Variants in PNPLA8 observed in about 807,000 individuals in gnomAD.
The protein encoded by PNPLA8 is patatin like domain 8, phospholipase A2.
A neutral mutation model predicts 76.9 loss-of-function variants in PNPLA8; 39 were observed. The observed-to-expected ratio is 0.51, with a 90% CI of 0.39 to 0.66. PNPLA8 has a LOEUF of 0.66. PNPLA8 is among the 30% of genes least tolerant of loss of function. The pLI is 0.00. For synonymous variants in PNPLA8, 301 were observed against 307.9 expected (o/e 0.98, Z 0.24); for missense variants, 887 against 918.0 (o/e 0.97, Z 0.44).
intron 4 of PNPLA8, among the ~76,000 whole-genome samples, chr7:108,505,142 A>C (rs1191249365): frequency 6.6e-6 from 1 of 150,936 alleles, no homozygotes; most frequent in East Asian, 1.9e-4. Flanking sequence ...ATTTATGATA[A>C]AGGTCTTTTC....
chr7:108,492,184 T>A (rs760319875), intron 7 of PNPLA8, among the ~76,000 whole-genome samples: 11 of 152,226 alleles, frequency 7.2e-5, no homozygotes, highest in Non-Finnish European at 1.6e-4. Context: ...CATTTTCTAA[T>A]GTGTTTTTCA....
At chr7:108,480,859 C>A in intron 9 of PNPLA8, 1 of 244,222 alleles carries the variant, frequency 4.1e-6, no homozygotes, top group Non-Finnish European at 8.7e-6. Flanking sequence ...CCATCACCCC[C>A]AAAAACTCTC....
At position 108,503,966 on chromosome 7, in the gene PNPLA8, C is replaced by T. The variant is rs186336300; in HGVS notation, c.1207-1324G>A. On this transcript the variant is annotated intron_variant, in intron 4 of 10. Coordinates refer to ENST00000257694, the MANE Select transcript of PNPLA8 (RefSeq NM_001256007.3). ...GAGGTGTGGAAGGCAAAAGGTAAGC[C>T]GAAGACCTCTGAAAATCAGAGTGGA... Among the ~76,000 whole-genome samples, 32 of 152,174 alleles carry T rather than the reference C, an allele frequency of 2.1e-4. 1 individual carries two copies. Among genetic ancestry groups the T allele is most frequent in the Admixed American group, 1.6e-3 (24 of 15,276 alleles).
intron 5 of PNPLA8, among the ~76,000 whole-genome samples, chr7:108,499,871 G>C (rs944103048): frequency 2.0e-5 from 3 of 151,968 alleles, no homozygotes; most frequent in African/African-American, 7.3e-5. Flanking sequence ...CATCATGCTT[G>C]TCTGACCTTA....
At position 108,479,263 on chromosome 7, in the gene PNPLA8, A is replaced by C. The variant is rs777161463; in HGVS notation, c.1995T>G (p.Ser665Arg). The C allele has an allele frequency of 1.1e-5, 18 of 1,613,262 alleles. No individual in the cohort carries two copies. The South Asian group carries it at 1.6e-4, about 15-fold the overall frequency. ...IVSLGTGRYESDVRNTVTYTS... is the reference protein window; with the variant it reads ...IVSLGTGRYERDVRNTVTYTS... ...TGTATGTTACCGTGTTTCTCACATC[A>C]CTCTCATAACGTCCAGTGCCCAGGG... Residue 665 changes from serine (S) to arginine (R), a missense_variant, in exon 10 of 11, where the codon AGT (serine) becomes AGG (arginine). By Grantham distance (110) the Ser-to-Arg change is moderately radical (BLOSUM62 -1). Coordinates refer to ENST00000257694, the MANE Select transcript of PNPLA8 (RefSeq NM_001256007.3).
intron 9 of PNPLA8, among the ~76,000 whole-genome samples, chr7:108,480,255 C>G (rs1195529991): frequency 6.6e-6 from 1 of 152,088 alleles, no homozygotes; most frequent in Non-Finnish European, 1.5e-5. Flanking sequence ...GTAGTCCCAG[C>G]TATTCAGGAG....
rs201458736 is a variant in PNPLA8 at position 108,513,300 on chromosome 7, AT to A, written c.1206+843del. 6.3e-3 allele frequency among the ~76,000 whole-genome samples: 966 copies of A among 152,242 alleles called. 12 individuals are homozygous for A. Among genetic ancestry groups the A allele is most frequent in the African/African-American group, 0.022 (923 of 41,546 alleles). On this transcript the variant is annotated intron_variant, in intron 4 of 10. Transcript: ENST00000257694. ...ATATAAATATAAAATATAATCCCAA[AT>A]TATAGGACCATAAAATAGTGAAGCT...
chr7:108,515,259 C>A lies in PNPLA8; in HGVS notation c.233G>T (p.Gly78Val), dbSNP rs778500465. 10 of 1,604,134 alleles carry A rather than the reference C, an allele frequency of 6.2e-6. No homozygotes were observed. Among genetic ancestry groups the A allele is most frequent in the East Asian group, 2.2e-5 (1 of 44,724 alleles). Reference sequence around the variant, plus strand: ...AAGTTTCAAAATCCCAATATGTAAACCATGGTTGCTTGGAGAGTAACAGTG... The same window carrying A: ...AAGTTTCAAAATCCCAATATGTAAAACATGGTTGCTTGGAGAGTAACAGTG... ...SKHCYSPSNH[G>V]LHIGILKLST... Residue 78 changes from glycine to valine, a missense_variant, in exon 3 of 11, where the codon GGT becomes GTT. Gly to Val is a moderately radical substitution (Grantham distance 109, BLOSUM62 -3). Transcript: ENST00000257694.
intron 4 of PNPLA8, among the ~76,000 whole-genome samples, chr7:108,505,870 G>A (rs1210923594): frequency 3.3e-5 from 5 of 152,050 alleles, no homozygotes; most frequent in Admixed American, 6.6e-5. Context: ...AGTTACAACC[G>A]TAATATATTT....
chr7:108,505,737 TTTATAAA>T (rs1862373136), intron 4 of PNPLA8, among the ~76,000 whole-genome samples: 1 of 152,044 alleles, frequency 6.6e-6, no homozygotes. Flanking sequence ...AAGAAAAGTA[TTTATAAA>T]TTGGACAAAA....
At chr7:108,494,490 T>A (rs1385005524) in intron 7 of PNPLA8, among the ~76,000 whole-genome samples, 2 of 152,234 alleles carry the variant, frequency 1.3e-5, no homozygotes, top group African/African-American at 4.8e-5. Context: ...TGTGTTAGGT[T>A]GCTTATTCTA....
intron 4 of PNPLA8, chr7:108,502,935 A>G (rs534022647): frequency 4.6e-6 from 1 of 217,894 alleles, no homozygotes; most frequent in Non-Finnish European, 8.9e-6. Context: ...AAATTATTAT[A>G]ACAAAAGGTT....
Position 108,470,870 on chromosome 7 carries a change from A to T in PNPLA8, c.*1531T>A, listed in dbSNP as rs1859588076. On this transcript the variant is annotated 3_prime_UTR_variant, in exon 11 of 11. Coordinates refer to ENST00000257694, the MANE Select transcript of PNPLA8 (RefSeq NM_001256007.3). ...TTGCCTTCCTCAAGGTAACAAACAG[A>T]AGGGTTCTTGCAGCAAAGGCAGGAT... 6.6e-6 allele frequency: 1 copy of T among 152,184 alleles called. No homozygotes were observed. The highest frequency in any genetic ancestry group is 6.5e-5 in the Admixed American group (1 of 15,280). 9.4% of individuals were successfully genotyped at this position (152,184 alleles called of 1,614,324 possible). A position where few individuals can be genotyped will look rare whatever the true frequency, so the allele number is the denominator to read the frequency against.
At chr7:108,517,348 G>C (rs1863416414) in intron 2 of PNPLA8, among the ~76,000 whole-genome samples, 1 of 152,176 alleles carries the variant, frequency 6.6e-6, no homozygotes, top group African/African-American at 2.4e-5. Flanking sequence ...TAGTTCGGTA[G>C]CTTCTTACAA....
chr7:108,503,252 A>G (rs1227931582), intron 4 of PNPLA8, among the ~76,000 whole-genome samples: 3 of 152,240 alleles, frequency 2.0e-5, no homozygotes, highest in Non-Finnish European at 4.4e-5. Context: ...TAAATCCTAG[A>G]GTTCTATGTT....
chr7:108,513,398 C>A (rs892582500), intron 4 of PNPLA8, among the ~76,000 whole-genome samples: 1 of 151,884 alleles, frequency 6.6e-6, no homozygotes, highest in African/African-American at 2.4e-5. Context: ...AATTTTTCAA[C>A]AAGGTAATTG....
At chr7:108,488,266 A>G (rs1373199140) in intron 8 of PNPLA8, among the ~76,000 whole-genome samples, 1 of 152,236 alleles carries the variant, frequency 6.6e-6, no homozygotes, top group Non-Finnish European at 1.5e-5. Flanking sequence ...AATAATTGAC[A>G]AAACAGTAGT....
chr7:108,474,943 G>A (rs946502240), intron 10 of PNPLA8, among the ~76,000 whole-genome samples: 1 of 152,090 alleles, frequency 6.6e-6, no homozygotes. Flanking sequence ...TGCACAGCAG[G>A]GGGTGAGTGG....
At chr7:108,512,499 A>T (rs1863008660) in intron 4 of PNPLA8, among the ~76,000 whole-genome samples, 1 of 150,960 alleles carries the variant, frequency 6.6e-6, no homozygotes, top group African/African-American at 2.4e-5. Flanking sequence ...TAAGTAACTC[A>T]TTTTTTTTTA....
Sources: allele counts gnomAD v4.1 joint callset (sites outside exome capture counted in the v4.1 genomes callset), GRCh38; gene constraint gnomAD v4.1.1; transcripts MANE v1.5; gene names NCBI Gene and HGNC (gene_info 2026-07-23, HGNC 2026-07-21).